PTPRN2: variants seen among roughly 807,000 people sequenced by gnomAD.
The protein encoded by PTPRN2 is receptor-type tyrosine-protein phosphatase N2.
PTPRN2 carries 74 observed loss-of-function variants against 118.8 expected under a neutral mutation model. That is an observed-to-expected ratio of 0.62 (90% confidence interval 0.52 to 0.76). PTPRN2 has a LOEUF of 0.76. PTPRN2 is among the 30% of genes least tolerant of loss of function. The probability of loss-of-function intolerance (pLI) is 0.00; values close to 1 mark genes in which losing one functional copy is unlikely to be tolerated. For synonymous variants in PTPRN2, 641 were observed against 608.0 expected (o/e 1.05, Z -0.80); for missense variants, 1,481 against 1,394.4 (o/e 1.06, Z -0.99).
rs1451460583 is a variant in PTPRN2 at position 157,831,354 on chromosome 7, T to C, written c.1788+67319A>G. Among the ~76,000 whole-genome samples the C allele has an allele frequency of 2.0e-5, 3 of 152,226 alleles. No individual in the cohort carries two copies. The highest frequency in any genetic ancestry group is 4.8e-5 in the African/African-American group (2 of 41,464). On this transcript the variant is annotated intron_variant, in intron 12 of 22. Transcript: ENST00000389418. The surrounding 1 kb of genome is among the most constrained non-coding windows in gnomAD (Gnocchi z 4.8). ...GTGCAGCCGTGAATATCCTGTAGTC[T>C]AAGCCTTCTCTCGTTGGGGTTTTCT...
At chr7:158,587,267 T>A (rs1414639403) in intron 1 of PTPRN2, among the ~76,000 whole-genome samples, 2 of 56,786 alleles carry the variant, frequency 3.5e-5, no homozygotes, top group African/African-American at 1.4e-4. Context: ...CCCCCTCTCA[T>A]TCATTGAGGC....
rs1053747035 is a variant in PTPRN2 at position 157,737,505 on chromosome 7, C to T, written c.1789-54568G>A. Among the ~76,000 whole-genome samples, 37 of 152,336 alleles carry T rather than the reference C, an allele frequency of 2.4e-4. 1 individual carries two copies. The Middle Eastern group carries it at 0.01, about 42-fold the overall frequency. On this transcript the variant is annotated intron_variant, in intron 12 of 22. Coordinates refer to ENST00000389418, the MANE Select transcript of PTPRN2 (RefSeq NM_002847.5). ...CTAAGCGTTGTGCCCGGGCAGGGGG[C>T]GCAGGCAGGAGGGCTGAGCTTCCCT...
intron 9 of PTPRN2, among the ~76,000 whole-genome samples, chr7:158,132,715 C>T (rs111547620): frequency 1.5e-3 from 228 of 151,606 alleles, no homozygotes; most frequent in African/African-American, 5.2e-3. Flanking sequence ...CATATACATA[C>T]GCACAGATAC....
At chr7:157,561,348 C>T (rs767024070) in intron 21 of PTPRN2, among the ~76,000 whole-genome samples, 5 of 152,222 alleles carry the variant, frequency 3.3e-5, no homozygotes, top group South Asian at 2.1e-4. Flanking sequence ...GAGCTGAGCT[C>T]GGCGGCCCAG....
intron 3 of PTPRN2, among the ~76,000 whole-genome samples, chr7:158,208,261 A>G (rs529806159): frequency 6.6e-6 from 1 of 152,326 alleles, no homozygotes; most frequent in Admixed American, 6.5e-5. Flanking sequence ...AACTTCTCGA[A>G]CCTAGAGAAA....
At chr7:157,543,352 C>T (rs1023609025) in intron 22 of PTPRN2, among the ~76,000 whole-genome samples, 6 of 152,256 alleles carry the variant, frequency 3.9e-5, no homozygotes, top group African/African-American at 1.4e-4. Flanking sequence ...TAGAACTGCA[C>T]CCGGTGGAGA....
intron 12 of PTPRN2, among the ~76,000 whole-genome samples, chr7:157,803,325 C>T (rs986167080): frequency 5.9e-5 from 9 of 152,258 alleles, no homozygotes; most frequent in Admixed American, 1.3e-4. Context: ...ATTTCCTCCC[C>T]GGTGACCAGT....
At chr7:158,234,061 G>A (rs1829350663) in intron 3 of PTPRN2, among the ~76,000 whole-genome samples, 2 of 152,144 alleles carry the variant, frequency 1.3e-5, no homozygotes, top group African/African-American at 4.8e-5. Flanking sequence ...ATTGATCAGG[G>A]CAAAGATTTT....
Position 158,155,291 on chromosome 7 carries a change from C to A in PTPRN2, c.910+11640G>T, listed in dbSNP as rs1160768001. 2.6e-5 allele frequency among the ~76,000 whole-genome samples: 4 copies of A among 152,212 alleles called. 1 individual carries two copies. Among genetic ancestry groups the A allele is most frequent in the African/African-American group, 7.2e-5 (3 of 41,450 alleles). ...GCTTTAAACAATCAGCAACAGCCTG[C>A]AGATAACCTCGCCACAACATTGTTT... On this transcript the variant is annotated intron_variant, in intron 6 of 22. Transcript: ENST00000389418.
chr7:157,685,392 G>A (rs1017753833), intron 12 of PTPRN2, among the ~76,000 whole-genome samples: 1 of 152,074 alleles, frequency 6.6e-6, no homozygotes, highest in African/African-American at 2.4e-5. Flanking sequence ...TTCTGAGGGG[G>A]CGGCGGGGCC....
chr7:158,549,208 A>T lies in PTPRN2; in HGVS notation c.112+38350T>A, dbSNP rs542269618. ...TGATTCAGGCTTTTTTTAATGAAAG[A>T]ATCTTATTTTTGAAACTGAAGTTGA... On this transcript the variant is annotated intron_variant, in intron 1 of 22. Coordinates refer to ENST00000389418, the MANE Select transcript of PTPRN2 (RefSeq NM_002847.5). 3.9e-5 allele frequency among the ~76,000 whole-genome samples: 6 copies of T among 152,250 alleles called. No individual in the cohort carries two copies. In the South Asian group the frequency reaches 1.2e-3, roughly 32 times the overall value.
At chr7:158,510,591 A>G (rs1823108088) in intron 1 of PTPRN2, among the ~76,000 whole-genome samples, 1 of 152,168 alleles carries the variant, frequency 6.6e-6, no homozygotes, top group South Asian at 2.1e-4. Context: ...TCCCTCTTCT[A>G]TTCCTAACCC....
chr7:158,031,813 T>A (rs1807705822), intron 11 of PTPRN2, among the ~76,000 whole-genome samples: 1 of 152,118 alleles, frequency 6.6e-6, no homozygotes. Flanking sequence ...GTAAAAAAGG[T>A]GGGCGGAAGT....
chr7:158,204,320 G>T (rs1015204911), intron 4 of PTPRN2, among the ~76,000 whole-genome samples: 1 of 152,238 alleles, frequency 6.6e-6, no homozygotes, highest in South Asian at 2.1e-4. Flanking sequence ...CAGTGTGTGC[G>T]GCGTGCTGGG....
In PTPRN2 at chr7:157,881,241, A is replaced by T. The variant is rs55991034; in HGVS notation, c.1788+17432T>A. Among the ~76,000 whole-genome samples, 48 of 148,036 alleles carry T rather than the reference A, an allele frequency of 3.2e-4. No individual in the cohort carries two copies. The highest frequency in any genetic ancestry group is 9.6e-4 in the African/African-American group (37 of 38,490). On this transcript the variant is annotated intron_variant, in intron 12 of 22. Coordinates refer to ENST00000389418, the MANE Select transcript of PTPRN2 (RefSeq NM_002847.5). The surrounding 1 kb of genome is among the most constrained non-coding windows in gnomAD (Gnocchi z 4.7). The stretch of plus-strand genomic sequence containing the variant: ...TTACAGTAGTCATTATGGTAAAATG[A>T]GGTCATGATGGTATGTGGAGATGGG...
intron 11 of PTPRN2, among the ~76,000 whole-genome samples, chr7:157,904,784 C>G (rs538012116): frequency 6.6e-6 from 1 of 152,234 alleles, no homozygotes; most frequent in African/African-American, 2.4e-5. Flanking sequence ...CAGAGAGGCC[C>G]GCACCTCCCT....
At chr7:158,520,535 C>T (rs1023789802) in intron 1 of PTPRN2, among the ~76,000 whole-genome samples, 1 of 152,236 alleles carries the variant, frequency 6.6e-6, no homozygotes. Context: ...TGGAGAAACA[C>T]TCCCCAGAGC....
chr7:157,909,754 A>G (rs1236624335), intron 11 of PTPRN2, among the ~76,000 whole-genome samples: 1 of 151,868 alleles, frequency 6.6e-6, no homozygotes, highest in African/African-American at 2.4e-5. Context: ...AACATTTATC[A>G]CCCTCTGACA....
At chr7:158,302,337 G>T (rs1414583063) in intron 3 of PTPRN2, among the ~76,000 whole-genome samples, 2 of 152,184 alleles carry the variant, frequency 1.3e-5, no homozygotes, top group Non-Finnish European at 2.9e-5. Flanking sequence ...CACCATCAGT[G>T]ATCCCTCATG....
Sources: allele counts gnomAD v4.1 joint callset (sites outside exome capture counted in the v4.1 genomes callset), GRCh38; gene constraint gnomAD v4.1.1; non-coding constraint Gnocchi (gnomAD v3.1); transcripts MANE v1.5; gene names NCBI Gene and HGNC (gene_info 2026-07-23, HGNC 2026-07-21).